The following PRR3 variants were observed in gnomAD, a reference collection of about 807,000 sequenced individuals.
The protein encoded by PRR3 is proline-rich protein 3.
A neutral mutation model predicts 22.4 loss-of-function variants in PRR3; 16 were observed. That is an observed-to-expected ratio of 0.71 (90% CI 0.48 to 1.09). The LOEUF (loss-of-function observed/expected upper bound fraction) is 1.09. Ranked by LOEUF, PRR3 falls within the 50% of genes least tolerant of loss-of-function variation. The pLI is 0.00. For missense variants in PRR3, 224 were observed against 243.4 expected (o/e 0.92, Z 0.53); for synonymous variants, 87 against 88.6 (o/e 0.98, Z 0.10).
intron 3 of PRR3, 83 bp downstream of exon 3, chr6:30,562,207 T>TTTTTGCA: frequency 1.4e-6 from 2 of 1,451,558 alleles, no homozygotes; most frequent in Non-Finnish European, 1.9e-6. Context: ...TGGGCTTTCC[T>TTTTTGCA]TTTTGCTTTT....
chr6:30,561,079 ACACT>A lies in PRR3; in HGVS notation c.170-751_170-748del, dbSNP rs1436945621. ...AACAAAAAAATAACCACCACTTTTC[ACACT>A]CACCATGGCAAAATTTAAAAACCTA... On this transcript the variant is annotated intron_variant, in intron 2 of 3. Transcript: ENST00000376560. The surrounding 1 kb of genome is among the most constrained non-coding windows in gnomAD (Gnocchi z 4.0). The A allele has an allele frequency of 4.2e-6, 1 of 239,424 alleles. No individual in the cohort carries two copies. Among genetic ancestry groups the A allele is most frequent in the Admixed American group, 5.5e-5 (1 of 18,062 alleles). The allele number at this position is 239,424 out of a possible 1,614,324, so 14.8% of individuals were successfully genotyped here.
chr6:30,558,714 G>A (rs1440766871), intron 2 of PRR3, among the ~76,000 whole-genome samples: 1 of 152,182 alleles, frequency 6.6e-6, no homozygotes, highest in Non-Finnish European at 1.5e-5. Flanking sequence ...TTACAACGAT[G>A]CAGTTTGGAA....
chr6:30,562,390 C>A lies in PRR3; in HGVS notation c.462C>A (p.Asp154Glu). 1 of 1,612,538 alleles carries A rather than the reference C, an allele frequency of 6.2e-7. No homozygotes were observed. The highest frequency in any genetic ancestry group is 8.5e-7 in the Non-Finnish European group (1 of 1,178,790). The stretch of plus-strand genomic sequence containing the variant: ...TGTTCCATTTTCACTTGTTCACAGA[C>A]AAATCCGACCGCCCTGTCTGCCGAC... ...PPKDDPQVME[D>E]KSDRPVCRHF... The change falls in exon 4 of 4, where the codon GAC becomes GAA. Residue 154 changes from aspartate to glutamate, a missense_variant and splice_region_variant. Transcript: ENST00000376560.
At chr6:30,556,969 C>T, upstream of PRR3, 1 of 635,700 alleles carries the variant, frequency 1.6e-6, no homozygotes, top group Non-Finnish European at 2.8e-6. The surrounding 1 kb of genome is among the most constrained non-coding windows in gnomAD (Gnocchi z 5.7). Context: ...AACCGAGGAC[C>T]GGATGTGGCG....
chr6:30,561,492 A>G lies in PRR3; in HGVS notation c.170-342A>G. ...TGATGTTGAGCGAAAGGAGCCAGACATAAAAGAATGCAGACTGTATGATTC... is the reference window on the plus strand; with the variant it reads ...TGATGTTGAGCGAAAGGAGCCAGACGTAAAAGAATGCAGACTGTATGATTC... On this transcript the variant is annotated intron_variant, in intron 2 of 3. Transcript: ENST00000376560. The surrounding 1 kb of genome is among the most constrained non-coding windows in gnomAD (Gnocchi z 4.0). The G allele has an allele frequency of 3.6e-6, 2 of 553,640 alleles. No individual in the cohort carries two copies. The highest frequency in any genetic ancestry group is 3.4e-6 in the Non-Finnish European group (1 of 293,428). 34.3% of individuals were successfully genotyped at this position (553,640 alleles called of 1,614,324 possible). A position where few individuals can be genotyped will look rare whatever the true frequency, so the allele number is the denominator to read the frequency against.
chr6:30,558,315 C>CCTG, intron 2 of PRR3, 103 bp downstream of exon 2: 3 of 920,100 alleles, frequency 3.3e-6, no homozygotes, highest in Non-Finnish European at 1.7e-6. Context: ...TCAGGGATTC[C>CCTG]ATCCCTAAAT....
intron 1 of PRR3, 23 bp downstream of exon 1, chr6:30,557,473 G>A (rs1238865970): frequency 4.5e-6 from 7 of 1,543,072 alleles, no homozygotes; most frequent in African/African-American, 1.4e-5. Context: ...GGAGGGATGT[G>A]CACATGCCTG....
intron 2 of PRR3, chr6:30,559,997 A>G (rs1202893244): frequency 6.6e-6 from 1 of 152,252 alleles, no homozygotes; most frequent in East Asian, 1.9e-4. Flanking sequence ...ACATACTACA[A>G]CATGGATGAA....
Position 30,562,565 on chromosome 6 carries a change from CTA to C in PRR3, c.*72_*73del. 1 of 941,802 alleles carries C rather than the reference CTA, an allele frequency of 1.1e-6. No homozygotes were observed. The highest frequency in any genetic ancestry group is 1.3e-5 in the South Asian group (1 of 74,374). The allele number at this position is 941,802 out of a possible 1,614,324, so 58.3% of individuals were successfully genotyped here. Reference sequence around the variant, plus strand: ...AGCGGCCATTTATTTCTCTGTAGCCCTATGATGGCTACTGTGAGGCTCTTCTA... The same window carrying C: ...AGCGGCCATTTATTTCTCTGTAGCCCTGATGGCTACTGTGAGGCTCTTCTA... On this transcript the variant is annotated 3_prime_UTR_variant, in exon 4 of 4. Transcript: ENST00000376560.
rs1171427905 is a variant in PRR3 at position 30,561,486 on chromosome 6, C to G, written c.170-348C>G. The G allele has an allele frequency of 9.2e-6, 5 of 540,834 alleles. No homozygotes were observed. The highest frequency in any genetic ancestry group is 1.4e-5 in the Non-Finnish European group (4 of 284,978). 33.5% of individuals were successfully genotyped at this position (540,834 alleles called of 1,614,324 possible). ...CAAACATGATGTTGAGCGAAAGGAG[C>G]CAGACATAAAAGAATGCAGACTGTA... is the stretch of plus-strand genomic sequence containing the variant. On this transcript the variant is annotated intron_variant, in intron 2 of 3. Transcript: ENST00000376560. This position sits in a 1 kb window ranked among gnomAD's most constrained non-coding sequence, Gnocchi z 4.0.
rs1384619344 is a variant in PRR3 at position 30,561,613 on chromosome 6, A to G, written c.170-221A>G. The G allele has an allele frequency of 3.3e-6, 2 of 603,008 alleles. No individual in the cohort carries two copies. Among genetic ancestry groups the G allele is most frequent in the East Asian group, 2.8e-5 (1 of 36,042 alleles). 37.4% of individuals were successfully genotyped at this position (603,008 alleles called of 1,614,324 possible). On this transcript the variant is annotated intron_variant, in intron 2 of 3. Transcript: ENST00000376560. This position sits in a 1 kb window ranked among gnomAD's most constrained non-coding sequence, Gnocchi z 4.0. ...GAGGGTGGGTAATGGGAAAAGGGGC[A>G]CAAGGGGAGGATCTTTTGAGGTGCT...
chr6:30,558,173 C>T lies in PRR3; in HGVS notation c.130C>T (p.Pro44Ser). 6.2e-7 allele frequency: 1 copy of T among 1,612,680 alleles called. No homozygotes were observed. Among genetic ancestry groups the T allele is most frequent in the South Asian group, 1.1e-5 (1 of 91,076 alleles). The change falls in exon 2 of 4, where the codon CCC (proline) becomes TCC (serine). Residue 44 changes from proline (P) to serine (S), a missense_variant. Pro to Ser is a moderately conservative substitution (Grantham distance 74, BLOSUM62 -1). Transcript: ENST00000376560. The part of the protein sequence containing the change: ...PIGPPSLLGP[P>S]PMANGKPGDP... The stretch of plus-strand genomic sequence containing the variant: ...AGGACCACCCAGCCTTCTGGGCCCT[C>T]CCCCCATGGCCAATGGAAAACCTGG...
Position 30,562,394 on chromosome 6 carries a change from TC to T in PRR3, c.468del (p.Asp157ThrfsTer48). ...KDDPQVMEDK[S>X]DRPVCRHFAK... ...CCATTTTCACTTGTTCACAGACAAA[TC>T]CGACCGCCCTGTCTGCCGACATTTT... On this transcript the variant is annotated frameshift_variant, in exon 4 of 4. Coordinates refer to ENST00000376560, the MANE Select transcript of PRR3 (RefSeq NM_025263.4). LOFTEE classifies it high-confidence loss of function. 1 of 1,613,176 alleles carries T rather than the reference TC, an allele frequency of 6.2e-7. No homozygotes were observed. Among genetic ancestry groups the T allele is most frequent in the Non-Finnish European group, 8.5e-7 (1 of 1,179,268 alleles).
chr6:30,559,374 C>G (rs575926156), intron 2 of PRR3, among the ~76,000 whole-genome samples: 1 of 150,184 alleles, frequency 6.7e-6, no homozygotes, highest in Non-Finnish European at 1.5e-5. Flanking sequence ...GAGACTGTCT[C>G]AAAAAAAAGA....
chr6:30,557,485 C>T, intron 1 of PRR3, 35 bp downstream of exon 1: 5 of 1,488,616 alleles, frequency 3.4e-6, no homozygotes, highest in Non-Finnish European at 4.6e-6. Context: ...ACATGCCTGT[C>T]AAGCCCGTCC....
chr6:30,562,993 T>C lies in PRR3; in HGVS notation c.*498T>C. 1 of 153,398 alleles carries C rather than the reference T, an allele frequency of 6.5e-6. No homozygotes were observed. Among genetic ancestry groups the C allele is most frequent in the Non-Finnish European group, 1.5e-5 (1 of 68,630 alleles). 9.5% of individuals were successfully genotyped at this position (153,398 alleles called of 1,614,324 possible). Reference sequence around the variant, plus strand: ...CAGGTTGTCTAACCTGGGGTCAAGTTTGGGTGACTGGTGCAGAGTTACTTC... The same window carrying C: ...CAGGTTGTCTAACCTGGGGTCAAGTCTGGGTGACTGGTGCAGAGTTACTTC... On this transcript the variant is annotated 3_prime_UTR_variant, in exon 4 of 4. Transcript: ENST00000376560.
At position 30,558,177 on chromosome 6, in the gene PRR3, C is replaced by T. The variant is rs374296994; in HGVS notation, c.134C>T (p.Pro45Leu). The T allele has an allele frequency of 6.2e-7, 1 of 1,612,944 alleles. No individual in the cohort carries two copies. The highest frequency in any genetic ancestry group is 8.5e-7 in the Non-Finnish European group (1 of 1,180,020). ...IGPPSLLGPP[P>L]MANGKPGDPK... ...CCACCCAGCCTTCTGGGCCCTCCCC[C>T]CATGGCCAATGGAAAACCTGGCGAC... The change falls in exon 2 of 4, where the codon CCC becomes CTC. Residue 45 changes from proline to leucine, a missense_variant. Transcript: ENST00000376560.
chr6:30,557,401 G>T lies in PRR3; in HGVS notation c.57G>T (p.Pro19=), dbSNP rs766294611. ...HHQPPTQQQP[P]LPEREETGDE... Reference sequence around the variant, plus strand: ...AGCCACCGACACAGCAGCAGCCCCCGCTGCCCGAGCGGGAAGAGACTGGAG... The same window carrying T: ...AGCCACCGACACAGCAGCAGCCCCCTCTGCCCGAGCGGGAAGAGACTGGAG... The change falls in exon 1 of 4, where the codon CCG becomes CCT. Residue 19 remains proline, a synonymous_variant. Transcript: ENST00000376560. 3 of 1,612,670 alleles carry T rather than the reference G, an allele frequency of 1.9e-6. No homozygotes were observed. The highest frequency in any genetic ancestry group is 2.2e-5 in the East Asian group (1 of 44,878).
chr6:30,558,244 A>C (rs1296380021), intron 2 of PRR3, 32 bp downstream of exon 2: 15 of 1,588,338 alleles, frequency 9.4e-6, no homozygotes, highest in Non-Finnish European at 1.2e-5. Flanking sequence ...TCCTTGTATT[A>C]GGTCGTAGAG....
Sources: gnomAD v4.1 joint callset for allele counts (sites outside exome capture counted in the v4.1 genomes callset) on GRCh38, gnomAD v4.1.1 for gene constraint, Gnocchi (gnomAD v3.1) non-coding constraint, MANE v1.5 for transcripts, NCBI Gene and HGNC (gene_info 2026-07-23, HGNC 2026-07-21) for gene names.